The following PADI4 variants were observed in gnomAD, a reference collection of about 807,000 sequenced individuals.
The protein encoded by PADI4 is protein-arginine deiminase type-4.
Under a neutral mutation model 75.0 loss-of-function variants are expected in PADI4, and 62 were observed. The observed-to-expected ratio is 0.83, with a 90% CI of 0.67 to 1.02. The LOEUF is 1.02. Among genes scored for constraint, PADI4 ranks in the 50% least tolerant of loss-of-function variants. PADI4 has a pLI of 0.00. For missense variants in PADI4, 845 were observed against 850.5 expected (o/e 0.99, Z 0.08); for synonymous variants, 361 against 348.1 (o/e 1.04, Z -0.41).
chr1:17,356,280 C>A lies in PADI4; in HGVS notation c.1456-77C>A. 1 of 1,272,004 alleles carries A rather than the reference C, an allele frequency of 7.9e-7. No individual in the cohort carries two copies. 78.8% of individuals were successfully genotyped at this position (1,272,004 alleles called of 1,614,324 possible). A position where few individuals can be genotyped will look rare whatever the true frequency, so the allele number is the denominator to read the frequency against. On this transcript the variant is annotated intron_variant, in intron 12 of 15. Coordinates refer to ENST00000375448, the MANE Select transcript of PADI4 (RefSeq NM_012387.3). This position sits in a 1 kb window ranked among gnomAD's most constrained non-coding sequence, Gnocchi z 4.1. Reference sequence around the variant, plus strand: ...GCTTGGGTCCAAGTCCACACTACTCCCACCCTCAGCAGATCCACCCTCGTT... The same window carrying A: ...GCTTGGGTCCAAGTCCACACTACTCACACCCTCAGCAGATCCACCCTCGTT...
At chr1:17,333,422 C>A (rs994830972) in intron 2 of PADI4, among the ~76,000 whole-genome samples, 11 of 152,012 alleles carry the variant, frequency 7.2e-5, no homozygotes, top group African/African-American at 2.7e-4. Context: ...GAGGTGTTCT[C>A]CTAGGATTTC....
chr1:17,321,014 T>C (rs755076328), intron 1 of PADI4, among the ~76,000 whole-genome samples: 2 of 152,220 alleles, frequency 1.3e-5, no homozygotes, highest in African/African-American at 4.8e-5. Context: ...TAAGGTAACA[T>C]CTTCACAGGT....
intron 1 of PADI4, among the ~76,000 whole-genome samples, chr1:17,308,533 G>C (rs1479276371): frequency 6.6e-6 from 1 of 152,128 alleles, no homozygotes; most frequent in East Asian, 1.9e-4. Flanking sequence ...AATTCCCCAG[G>C]AACACACGAC....
intron 8 of PADI4, among the ~76,000 whole-genome samples, chr1:17,343,942 G>A (rs1167739580): frequency 2.0e-5 from 3 of 152,178 alleles, no homozygotes; most frequent in Non-Finnish European, 4.4e-5. Flanking sequence ...TACCCAAAAT[G>A]TGGAAGCAAC....
rs11803423 is a variant in PADI4, at chr1:17,314,804, A to G, written c.92+6490A>G. On this transcript the variant is annotated intron_variant, in intron 1 of 15. Transcript: ENST00000375448. ...CTCCACCCCAGCTGGTCTGCAGGAG[A>G]GTATCTGATCCCAAACTGCTCCAAC... Among the ~76,000 whole-genome samples the G allele has an allele frequency of 2.0e-3, 299 of 152,302 alleles. 1 individual carries two copies. Among genetic ancestry groups the G allele is most frequent in the African/African-American group, 6.9e-3 (287 of 41,580 alleles).
At chr1:17,312,782 G>T (rs2073860141) in intron 1 of PADI4, among the ~76,000 whole-genome samples, 1 of 151,200 alleles carries the variant, frequency 6.6e-6, no homozygotes, top group African/African-American at 2.4e-5. Flanking sequence ...AAATTCAACA[G>T]AACTGGTTCA....
intron 15 of PADI4, among the ~76,000 whole-genome samples, chr1:17,360,134 T>C (rs1399349673): frequency 1.3e-5 from 2 of 151,984 alleles, no homozygotes; most frequent in African/African-American, 4.8e-5. Context: ...CTACTAAAAA[T>C]ACGAAAATTA....
rs993490323 is a variant in PADI4 at position 17,336,172 on chromosome 1, C to T, written c.354C>T (p.Cys118=). ...LYLTGVEISL[C]ADITRTGKVK... is the part of the protein sequence containing the mutation. ...ATGGGATTTCAGAAATCTCCTTGTG[C>T]GCAGACATCACCCGCACCGGCAAAG... is the stretch of plus-strand genomic sequence containing the variant. Residue 118 remains cysteine (C), a synonymous_variant, in exon 4 of 16, where the codon TGC becomes TGT. Transcript: ENST00000375448. The T allele has an allele frequency of 4.3e-6, 7 of 1,612,398 alleles. No individual in the cohort carries two copies. Among genetic ancestry groups the T allele is most frequent in the African/African-American group, 1.3e-5 (1 of 74,872 alleles).
chr1:17,348,437 G>A (rs542224753), intron 10 of PADI4, among the ~76,000 whole-genome samples: 9 of 152,226 alleles, frequency 5.9e-5, no homozygotes, highest in African/African-American at 2.2e-4. Context: ...GTCTTCAGGG[G>A]CTCCATCTGG....
Position 17,356,035 on chromosome 1 carries a change from C to G in PADI4, c.1363C>G (p.Gln455Glu). Residue 455 changes from glutamine (Q) to glutamate (E), a missense_variant, in exon 12 of 16, where the codon CAG (glutamine) becomes GAG (glutamate). Gln to Glu is a conservative substitution (Grantham distance 29). Coordinates refer to ENST00000375448, the MANE Select transcript of PADI4 (RefSeq NM_012387.3). This position sits in a 1 kb window ranked among gnomAD's most constrained non-coding sequence, Gnocchi z 4.1. ...QALQDFLSAQ[Q>E]VQAPVKLYSD... ...CCTGCAGGACTTCCTCAGTGCCCAGCAGGTGCAGGCCCCTGTGAAGCTCTA... is the reference window on the plus strand; with the variant it reads ...CCTGCAGGACTTCCTCAGTGCCCAGGAGGTGCAGGCCCCTGTGAAGCTCTA... The G allele has an allele frequency of 6.2e-7, 1 of 1,614,100 alleles. No individual in the cohort carries two copies. The highest frequency in any genetic ancestry group is 1.7e-5 in the Admixed American group (1 of 60,024).
chr1:17,326,340 A>G (rs1008239512), intron 1 of PADI4, among the ~76,000 whole-genome samples: 5 of 152,240 alleles, frequency 3.3e-5, no homozygotes, highest in African/African-American at 9.6e-5. Context: ...TTTTAAAAAT[A>G]TAAACATTTA....
chr1:17,354,147 G>A (rs1278247069), intron 10 of PADI4, among the ~76,000 whole-genome samples: 2 of 152,096 alleles, frequency 1.3e-5, no homozygotes, highest in Non-Finnish European at 2.9e-5. Flanking sequence ...CTACTCAGGA[G>A]GCTGAGGAGT....
At chr1:17,339,199 T>C (rs946756448) in intron 5 of PADI4, among the ~76,000 whole-genome samples, 1 of 152,156 alleles carries the variant, frequency 6.6e-6, no homozygotes, top group Admixed American at 6.5e-5. Context: ...AGTCAGTCCC[T>C]TGGGAACCAT....
chr1:17,327,582 C>T (rs1449884750), intron 1 of PADI4, among the ~76,000 whole-genome samples: 2 of 151,214 alleles, frequency 1.3e-5, no homozygotes, highest in African/African-American at 4.9e-5. Flanking sequence ...CGCTTTGTCA[C>T]CCAGGCTGGA....
Position 17,355,359 on chromosome 1 carries a change from C to A in PADI4, c.1311-624C>A, listed in dbSNP as rs543359816. 1.7e-4 allele frequency among the ~76,000 whole-genome samples: 26 copies of A among 152,252 alleles called. 1 individual carries two copies. The South Asian group carries it at 5.0e-3, about 29-fold the overall frequency. On this transcript the variant is annotated intron_variant, in intron 11 of 15. Transcript: ENST00000375448. ...CTGAGGTCAGGAGTTCGAGACCAGC[C>A]TGACTAACATGGCGAAACCCCGTCT...
chr1:17,325,358 C>T (rs1394188011), intron 1 of PADI4, among the ~76,000 whole-genome samples: 2 of 152,002 alleles, frequency 1.3e-5, no homozygotes, highest in Non-Finnish European at 2.9e-5. Flanking sequence ...TTGTAAATTA[C>T]ATCAGTTTTT....
intron 1 of PADI4, among the ~76,000 whole-genome samples, chr1:17,329,927 G>A (rs2074180354): frequency 6.6e-6 from 1 of 152,186 alleles, no homozygotes; most frequent in South Asian, 2.1e-4. Context: ...AATTCTGGGA[G>A]ATGTACCTTA....
At position 17,354,654 on chromosome 1, in the gene PADI4, G is replaced by A; in HGVS notation, c.1277G>A (p.Gly426Asp). 1.9e-6 allele frequency: 3 copies of A among 1,613,022 alleles called. 1 individual carries two copies. Among genetic ancestry groups the A allele is most frequent in the Non-Finnish European group, 2.5e-6 (3 of 1,179,394 alleles). The change falls in exon 11 of 16, where the codon GGC becomes GAC. Residue 426 changes from glycine (G) to aspartate (D), a missense_variant. Physicochemically the swap from Gly to Asp is moderately conservative, Grantham distance 94 (BLOSUM62 -1). Transcript: ENST00000375448. Reference protein sequence around the residue: ...VTVRGKEYPLGRILFGDSCYP... With the variant: ...VTVRGKEYPLDRILFGDSCYP... ...GTCAGGGGCAAGGAATACCCGCTGG[G>A]CAGGATTCTCTTCGGGGACAGCTGT...
At chr1:17,336,444 C>T (rs2074313066) in intron 4 of PADI4, among the ~76,000 whole-genome samples, 1 of 152,202 alleles carries the variant, frequency 6.6e-6, no homozygotes, top group Non-Finnish European at 1.5e-5. Flanking sequence ...ATGTGTTATC[C>T]TACAAACTGG....
Sources: gnomAD v4.1 joint callset for allele counts (sites outside exome capture counted in the v4.1 genomes callset) on GRCh38, gnomAD v4.1.1 for gene constraint, Gnocchi (gnomAD v3.1) non-coding constraint, MANE v1.5 for transcripts, NCBI Gene and HGNC (gene_info 2026-07-23, HGNC 2026-07-21) for gene names.